CDC42SE2: variants seen among roughly 807,000 people sequenced by gnomAD.
CDC42SE2 encodes the protein CDC42 small effector 2, also known as CDC42 small effector protein 2.
A neutral mutation model predicts 11.5 loss-of-function variants in CDC42SE2; 3 were observed. The ratio of observed to expected loss-of-function variants is 0.26; its 90% CI spans 0.12 to 0.67. CDC42SE2 has a LOEUF of 0.67. Ranked by LOEUF, CDC42SE2 falls within the 30% of genes least tolerant of loss-of-function variation. The probability of loss-of-function intolerance (pLI) is 0.80; values close to 1 mark genes in which losing one functional copy is unlikely to be tolerated. For missense variants in CDC42SE2, 82 were observed against 106.8 expected (o/e 0.77, Z 1.02); for synonymous variants, 33 against 34.8 (o/e 0.95, Z 0.18).
At chr5:131,333,878 T>C (rs1580760154) in intron 2 of CDC42SE2, among the ~76,000 whole-genome samples, 1 of 152,070 alleles carries the variant, frequency 6.6e-6, no homozygotes, top group African/African-American at 2.4e-5. Context: ...GATGATGGGG[T>C]TTTCTAGATA....
chr5:131,244,579 C>T (rs1174247451), upstream of CDC42SE2, among the ~76,000 whole-genome samples: 1 of 152,112 alleles, frequency 6.6e-6, no homozygotes, highest in East Asian at 1.9e-4. Flanking sequence ...GGCATGGTGG[C>T]ACATGCCTGT....
chr5:131,294,133 A>G (rs1757520704), intron 1 of CDC42SE2, among the ~76,000 whole-genome samples: 1 of 152,200 alleles, frequency 6.6e-6, no homozygotes, highest in Middle Eastern at 3.2e-3. Flanking sequence ...ACACTGTTTG[A>G]AAAGTACGCA....
intron 1 of CDC42SE2, among the ~76,000 whole-genome samples, chr5:131,288,951 A>G (rs1757396163): frequency 6.6e-6 from 1 of 152,182 alleles, no homozygotes. Flanking sequence ...TTTGATCAGT[A>G]TTATTTATTA....
chr5:131,385,798 A>C (rs553427718), intron 4 of CDC42SE2, among the ~76,000 whole-genome samples, 154 bp downstream of exon 4: 8 of 152,338 alleles, frequency 5.3e-5, no homozygotes, highest in African/African-American at 1.7e-4. Flanking sequence ...AGAGAAGCAA[A>C]CTACTGATGA....
chr5:131,262,999 C>A (rs1756764304), upstream of CDC42SE2, among the ~76,000 whole-genome samples: 1 of 151,480 alleles, frequency 6.6e-6, no homozygotes, highest in Non-Finnish European at 1.5e-5. Flanking sequence ...CCAGCCCAAG[C>A]TGGAGTGCAG....
At chr5:131,286,682 T>C (rs183978381) in intron 1 of CDC42SE2, among the ~76,000 whole-genome samples, 1 of 152,092 alleles carries the variant, frequency 6.6e-6, no homozygotes, top group East Asian at 1.9e-4. Flanking sequence ...AACTTGAAGA[T>C]GATAAGGATG....
chr5:131,228,275 G>C, the CDC42SE2 span, among the ~76,000 whole-genome samples: 1 of 152,168 alleles, frequency 6.6e-6, no homozygotes, highest in African/African-American at 2.4e-5. Context: ...GCTGTGGTAG[G>C]AGGATAGCTT....
chr5:131,240,006 A>T, the CDC42SE2 span, among the ~76,000 whole-genome samples: 1 of 152,062 alleles, frequency 6.6e-6, no homozygotes, highest in African/African-American at 2.4e-5. Flanking sequence ...TGATTGTTAA[A>T]CCCCACCCTC....
At chr5:131,318,301 A>G (rs1476634323) in intron 2 of CDC42SE2, among the ~76,000 whole-genome samples, 4 of 152,202 alleles carry the variant, frequency 2.6e-5, no homozygotes, top group Non-Finnish European at 5.9e-5. Flanking sequence ...ATCAATTTAA[A>G]TGCAGTAGTA....
At chr5:131,290,768 C>T (rs138039277) in intron 1 of CDC42SE2, among the ~76,000 whole-genome samples, 1 of 152,184 alleles carries the variant, frequency 6.6e-6, no homozygotes, top group Non-Finnish European at 1.5e-5. Context: ...GCATGAGCCA[C>T]CATGCCTGGC....
intron 1 of CDC42SE2, among the ~76,000 whole-genome samples, chr5:131,268,263 A>G (rs1257650512): frequency 6.6e-6 from 1 of 151,268 alleles, no homozygotes; most frequent in Non-Finnish European, 1.5e-5. Context: ...GGGTTTCTCC[A>G]TGGTCATCAG....
chr5:131,294,603 G>A (rs960659645), intron 1 of CDC42SE2, among the ~76,000 whole-genome samples: 33 of 152,168 alleles, frequency 2.2e-4, no homozygotes, highest in African/African-American at 8.0e-4. Flanking sequence ...GAAAAATAAA[G>A]CATGGGAGGG....
At chr5:131,270,777 GT>G (rs1308318810) in intron 1 of CDC42SE2, among the ~76,000 whole-genome samples, 4 of 152,314 alleles carry the variant, frequency 2.6e-5, no homozygotes, top group East Asian at 3.9e-4. Flanking sequence ...TCAAACTCTT[GT>G]AGATTTCAGA....
chr5:131,215,459 A>G, the CDC42SE2 span, among the ~76,000 whole-genome samples: 3 of 152,228 alleles, frequency 2.0e-5, no homozygotes, highest in African/African-American at 7.2e-5. Flanking sequence ...TGCTATGAGC[A>G]GTCTAGGGAT....
chr5:131,225,872 T>C, the CDC42SE2 span, among the ~76,000 whole-genome samples: 1 of 152,180 alleles, frequency 6.6e-6, no homozygotes, highest in African/African-American at 2.4e-5. Flanking sequence ...TTGTGATTGA[T>C]AAAAATGTGT....
chr5:131,212,248 C>A, the CDC42SE2 span, among the ~76,000 whole-genome samples: 1 of 151,974 alleles, frequency 6.6e-6, no homozygotes, highest in Non-Finnish European at 1.5e-5. Flanking sequence ...GCTGGGACTA[C>A]AGGAGCCTGC....
At chr5:131,229,844 A>G in the CDC42SE2 span, among the ~76,000 whole-genome samples, 1 of 152,164 alleles carries the variant, frequency 6.6e-6, no homozygotes, top group Non-Finnish European at 1.5e-5. Flanking sequence ...TGAGGTGGGA[A>G]GATCACTTGA....
At chr5:131,285,491 A>G (rs575805556) in intron 1 of CDC42SE2, among the ~76,000 whole-genome samples, 76 of 152,324 alleles carry the variant, frequency 5.0e-4, no homozygotes, top group African/African-American at 1.6e-3. Context: ...GGACCTAAGC[A>G]TTTCAATTTA....
Position 131,291,233 on chromosome 5 carries a change from G to T in CDC42SE2, c.-454-24743G>T, listed in dbSNP as rs368906321. On this transcript the variant is annotated intron_variant, in intron 1 of 4. Coordinates refer to ENST00000505065, the MANE Select transcript of CDC42SE2 (RefSeq NM_001375635.1). ...TTATGGTCCATGAATTTATGTATAT[G>T]ATTTTTTTTTTAAAAAAGGACTTAT... 7.7e-4 allele frequency among the ~76,000 whole-genome samples: 117 copies of T among 152,054 alleles called. 6 individuals are homozygous for T. In the South Asian group the frequency reaches 0.024, roughly 31 times the overall value.
Sources: gnomAD v4.1 joint callset for allele counts (sites outside exome capture counted in the v4.1 genomes callset) on GRCh38, gnomAD v4.1.1 for gene constraint, MANE v1.5 for transcripts, NCBI Gene and HGNC (gene_info 2026-07-23, HGNC 2026-07-21) for gene names.